IRF2BPL: variants seen among roughly 807,000 people sequenced by gnomAD.
The protein encoded by IRF2BPL is interferon regulatory factor 2 binding protein like, also known as probable E3 ubiquitin-protein ligase IRF2BPL.
Under a neutral mutation model 51.2 loss-of-function variants are expected in IRF2BPL, and 13 were observed. The observed-to-expected ratio is 0.25, with a 90% confidence interval of 0.17 to 0.40. IRF2BPL has a LOEUF of 0.40. IRF2BPL is among the 10% of genes least tolerant of loss of function. The pLI, the probability that IRF2BPL is intolerant of heterozygous loss-of-function variation, is 1.00. For missense variants in IRF2BPL, 1,210 were observed against 1,111.8 expected, an observed-to-expected ratio of 1.09 and a Z score of -1.26; for synonymous variants, 768 against 509.2, an observed-to-expected ratio of 1.51 and a Z score of -6.84.
Position 77,028,512 on chromosome 14 carries a change from G to A in IRF2BPL, c.-720C>T. 3.0e-6 allele frequency: 1 copy of A among 331,592 alleles called. No individual in the cohort carries two copies. The highest frequency in any genetic ancestry group is 4.8e-5 in the East Asian group (1 of 20,944). The allele number at this position is 331,592 out of a possible 1,614,324, so 20.5% of individuals were successfully genotyped here. On this transcript the variant is annotated 5_prime_UTR_variant, in exon 1 of 1. Transcript: ENST00000238647. ...CGCACGCAGGCTCCCGCCGCCCCCA[G>A]GCCTGGCCGGCGCCCGGGCCGCCGC...
At position 77,027,319 on chromosome 14, in the gene IRF2BPL, G is replaced by A. The variant is rs1396393989; in HGVS notation, c.474C>T (p.Ala158=). ...GTTCCACCGCAGCGGCGGCGGCGGC[G>A]GCGGCGGCGGCGGCAGCGCTTAGGC... ...RYGLSAAAAA[A]AAAAAAVEQR... Residue 158 remains alanine, a synonymous_variant, in exon 1 of 1, where the codon GCC becomes GCT. Transcript: ENST00000238647. 18 of 1,532,714 alleles carry A rather than the reference G, an allele frequency of 1.2e-5. No individual in the cohort carries two copies. Among genetic ancestry groups the A allele is most frequent in the East Asian group, 2.5e-5 (1 of 40,314 alleles). 94.9% of individuals were successfully genotyped at this position (1,532,714 alleles called of 1,614,324 possible).
chr14:77,026,022 G>T lies in IRF2BPL; in HGVS notation c.1771C>A (p.His591Asn). The change falls in exon 1 of 1, where the codon CAC becomes AAC. Residue 591 changes from histidine to asparagine, a missense_variant. By Grantham distance (68) the His-to-Asn change is moderately conservative. Coordinates refer to ENST00000238647, the MANE Select transcript of IRF2BPL (RefSeq NM_024496.4). Reference protein sequence around the residue: ...MSAGGFAAPGHAAGGPPPPPP... With the variant: ...MSAGGFAAPGNAAGGPPPPPP... ...GGCGGAGGCGGACCCCCCGCCGCGT[G>T]CCCCGGCGCCGCGAAGCCCCCGGCG... The T allele has an allele frequency of 6.4e-7, 1 of 1,564,004 alleles. No individual in the cohort carries two copies. Among genetic ancestry groups the T allele is most frequent in the Admixed American group, 1.9e-5 (1 of 52,720 alleles).
chr14:77,027,983 T>C lies in IRF2BPL; in HGVS notation c.-191A>G. On this transcript the variant is annotated 5_prime_UTR_variant, in exon 1 of 1. Transcript: ENST00000238647. ...CGGCGCAGCGCCTCGCCGTGGGGGCTCCACCGCCCGGGCAGCGGACGGGTT... is the reference window on the plus strand; with the variant it reads ...CGGCGCAGCGCCTCGCCGTGGGGGCCCCACCGCCCGGGCAGCGGACGGGTT... 1 of 628,076 alleles carries C rather than the reference T, an allele frequency of 1.6e-6. No individual in the cohort carries two copies. Among genetic ancestry groups the C allele is most frequent in the Non-Finnish European group, 2.5e-6 (1 of 399,518 alleles). The allele number at this position is 628,076 out of a possible 1,614,324, so 38.9% of individuals were successfully genotyped here.
At position 77,026,757 on chromosome 14, in the gene IRF2BPL, CCTT is replaced by C; in HGVS notation, c.1033_1035del (p.Lys345del). On this transcript the variant is annotated inframe_deletion, in exon 1 of 1. Transcript: ENST00000238647. ...AGGGCCTCGGCGTTGCGCTGCTTCT[CCTT>C]CAACTCGCGCTCCTGGTCTGTGCTC... The C allele has an allele frequency of 1.9e-6, 3 of 1,612,588 alleles. No individual in the cohort carries two copies. Among genetic ancestry groups the C allele is most frequent in the Non-Finnish European group, 2.5e-6 (3 of 1,179,826 alleles).
Position 77,025,359 on chromosome 14 carries a change from G to T in IRF2BPL, c.*43C>A. ...GTTGGGGGAGGGGCCCTCAGGATTG[G>T]AGAGGAGCTGGTCTAGGGCAAAGGA... On this transcript the variant is annotated 3_prime_UTR_variant, in exon 1 of 1. Transcript: ENST00000238647. The T allele has an allele frequency of 2.1e-6, 3 of 1,418,774 alleles. No homozygotes were observed. Among genetic ancestry groups the T allele is most frequent in the South Asian group, 1.4e-5 (1 of 70,862 alleles). 87.9% of individuals were successfully genotyped at this position (1,418,774 alleles called of 1,614,324 possible). A position where few individuals can be genotyped will look rare whatever the true frequency, so the allele number is the denominator to read the frequency against.
chr14:77,025,088 A>C lies in IRF2BPL; in HGVS notation c.*314T>G, dbSNP rs1315481334. On this transcript the variant is annotated 3_prime_UTR_variant, in exon 1 of 1. Coordinates refer to ENST00000238647, the MANE Select transcript of IRF2BPL (RefSeq NM_024496.4). ...CAGCAGTCGTTGCTAAGGGCTATTA[A>C]TTCTGTACCTAGGCAAACATTCTGC... 4.9e-6 allele frequency: 1 copy of C among 205,906 alleles called. No homozygotes were observed. The highest frequency in any genetic ancestry group is 9.6e-6 in the Non-Finnish European group (1 of 103,754). 12.8% of individuals were successfully genotyped at this position (205,906 alleles called of 1,614,324 possible).
rs1357739323 is a variant in IRF2BPL at position 77,028,061 on chromosome 14, G to A, written c.-269C>T. The A allele has an allele frequency of 7.9e-6, 3 of 378,434 alleles. No homozygotes were observed. Among genetic ancestry groups the A allele is most frequent in the Non-Finnish European group, 1.5e-5 (3 of 205,182 alleles). 23.4% of individuals were successfully genotyped at this position (378,434 alleles called of 1,614,324 possible). A position where few individuals can be genotyped will look rare whatever the true frequency, so the allele number is the denominator to read the frequency against. ...CTGCGGTTGACTCGTCGCGAGGGGA[G>A]CTCAGGCGCCTTCTTCCTGGTGCTG... On this transcript the variant is annotated 5_prime_UTR_variant, in exon 1 of 1. Transcript: ENST00000238647.
At position 77,027,466 on chromosome 14, in the gene IRF2BPL, C is replaced by CTGTTGCTGT. The variant is rs772313079; in HGVS notation, c.326_327insACAGCAACA (p.Gln125_Gln127dup). 6.4e-6 allele frequency: 9 copies of CTGTTGCTGT among 1,415,288 alleles called. No homozygotes were observed. Among genetic ancestry groups the CTGTTGCTGT allele is most frequent in the South Asian group, 5.9e-5 (4 of 67,926 alleles). 87.7% of individuals were successfully genotyped at this position (1,415,288 alleles called of 1,614,324 possible). A position where few individuals can be genotyped will look rare whatever the true frequency, so the allele number is the denominator to read the frequency against. ...GCTGCTGCTGTTGCTGCTGCTGCTG[C>CTGTTGCTGT]TGCTGTTGCTGTTGCTGTTGCGCGG... On this transcript the variant is annotated inframe_insertion, in exon 1 of 1. Transcript: ENST00000238647.
At position 77,025,862 on chromosome 14, in the gene IRF2BPL, C is replaced by A; in HGVS notation, c.1931G>T (p.Ser644Ile). The change falls in exon 1 of 1, where the codon AGT (serine) becomes ATT (isoleucine). Residue 644 changes from serine (S) to isoleucine (I), a missense_variant. By Grantham distance (142) the Ser-to-Ile change is moderately radical. Coordinates refer to ENST00000238647, the MANE Select transcript of IRF2BPL (RefSeq NM_024496.4). ...LGTAHSPKDG[S>I]SVHSTTASAR... ...CGACGCAGTGGTAGAGTGCACGGAA[C>A]TGCCATCCTTGGGCGAGTGCGCTGT... 1 of 1,612,682 alleles carries A rather than the reference C, an allele frequency of 6.2e-7. No individual in the cohort carries two copies. The highest frequency in any genetic ancestry group is 8.5e-7 in the Non-Finnish European group (1 of 1,179,824).
Position 77,026,986 on chromosome 14 carries a change from C to G in IRF2BPL, c.807G>C (p.Ala269=), listed in dbSNP as rs1395891043. 6.7e-7 allele frequency: 1 copy of G among 1,490,760 alleles called. No homozygotes were observed. 92.3% of individuals were successfully genotyped at this position (1,490,760 alleles called of 1,614,324 possible). A position where few individuals can be genotyped will look rare whatever the true frequency, so the allele number is the denominator to read the frequency against. Residue 269 remains alanine, a synonymous_variant, in exon 1 of 1, where the codon GCG becomes GCC. Coordinates refer to ENST00000238647, the MANE Select transcript of IRF2BPL (RefSeq NM_024496.4). ...CGTGGGGAGGGGGTGGGGGGAGTAC[C>G]GCAGCGCTGGCCGGGCCGTTAAGCA... ...QTLLNGPASA[A]VLPPPPPHAL... is the part of the protein sequence containing the mutation.
At position 77,026,688 on chromosome 14, in the gene IRF2BPL, C is replaced by G. The variant is rs769418908; in HGVS notation, c.1105G>C (p.Ala369Pro). 1.2e-6 allele frequency: 2 copies of G among 1,612,732 alleles called. No individual in the cohort carries two copies. Among genetic ancestry groups the G allele is most frequent in the Admixed American group, 3.3e-5 (2 of 59,960 alleles). The change falls in exon 1 of 1, where the codon GCC (alanine) becomes CCC (proline). Residue 369 changes from alanine to proline, a missense_variant. Physicochemically the swap from Ala to Pro is conservative, Grantham distance 27 (BLOSUM62 -1). Coordinates refer to ENST00000238647, the MANE Select transcript of IRF2BPL (RefSeq NM_024496.4). The part of the protein sequence containing the change: ...ESLRNRAEEW[A>P]SKPKMVRDTL... ...TCGCGGACCATCTTGGGCTTGCTGG[C>G]CCACTCCTCGGCGCGGTTGCGCAGG...
rs929964848 is a variant in IRF2BPL, at chr14:77,024,593, A to C, written c.*809T>G. ...GTTACTAAGCTCCAAGGCACATTACAGTGTTCTGTTAACTACAGAAATGTA... is the reference window on the plus strand; with the variant it reads ...GTTACTAAGCTCCAAGGCACATTACCGTGTTCTGTTAACTACAGAAATGTA... On this transcript the variant is annotated 3_prime_UTR_variant, in exon 1 of 1. Coordinates refer to ENST00000238647, the MANE Select transcript of IRF2BPL (RefSeq NM_024496.4). 1 of 152,618 alleles carries C rather than the reference A, an allele frequency of 6.6e-6. No homozygotes were observed. The highest frequency in any genetic ancestry group is 2.4e-5 in the African/African-American group (1 of 41,460). 9.5% of individuals were successfully genotyped at this position (152,618 alleles called of 1,614,324 possible).
Position 77,025,938 on chromosome 14 carries a change from T to C in IRF2BPL, c.1855A>G (p.Asn619Asp). Reference protein sequence around the residue: ...RTTPPESAPQNGPSPMAALMS... With the variant: ...RTTPPESAPQDGPSPMAALMS... ...AGAGCGGCCATAGGGGACGGACCGT[T>C]CTGGGGGGCTGACTCAGGTGGGGTG... The change falls in exon 1 of 1, where the codon AAC becomes GAC. Residue 619 changes from asparagine to aspartate, a missense_variant. Asn to Asp is a conservative substitution (Grantham distance 23, BLOSUM62 1). Coordinates refer to ENST00000238647, the MANE Select transcript of IRF2BPL (RefSeq NM_024496.4). 2 of 1,608,674 alleles carry C rather than the reference T, an allele frequency of 1.2e-6. No individual in the cohort carries two copies. The highest frequency in any genetic ancestry group is 1.7e-6 in the Non-Finnish European group (2 of 1,178,208).
In IRF2BPL at chr14:77,027,502, GGCCGCCGCTGCT is replaced by G. The variant is rs1346900726; in HGVS notation, c.279_290del (p.Ala99_Ala102del). On this transcript the variant is annotated inframe_deletion, in exon 1 of 1. Transcript: ENST00000238647. ...GTTGCTGTTGCGCGGCGGCGGCGGC[GGCCGCCGCTGCT>G]GCCGCCGCCGCCGCCGCTTCCTTAG... 1.4e-5 allele frequency: 9 copies of G among 664,754 alleles called. No homozygotes were observed. The highest frequency in any genetic ancestry group is 1.3e-4 in the East Asian group (1 of 7,510). 41.2% of individuals were successfully genotyped at this position (664,754 alleles called of 1,614,324 possible).
rs1214533105 is a variant in IRF2BPL, at chr14:77,027,689, C to A, written c.104G>T (p.Cys35Phe). The A allele has an allele frequency of 6.2e-7, 1 of 1,611,806 alleles. No homozygotes were observed. Among genetic ancestry groups the A allele is most frequent in the Non-Finnish European group, 8.5e-7 (1 of 1,179,472 alleles). ...GCCCTCGTAGTTGACGCAACCGCGG[C>A]ATACGGGTTCCGAGAAGTCCCAGAT... ...AMIWDFSEPV[C>F]RGCVNYEGAD... The change falls in exon 1 of 1, where the codon TGC (cysteine) becomes TTC (phenylalanine). Residue 35 changes from cysteine to phenylalanine, a missense_variant. Physicochemically the swap from Cys to Phe is radical, Grantham distance 205. Coordinates refer to ENST00000238647, the MANE Select transcript of IRF2BPL (RefSeq NM_024496.4).
Position 77,028,151 on chromosome 14 carries a change from T to G in IRF2BPL, c.-359A>C. 4.1e-6 allele frequency: 1 copy of G among 245,720 alleles called. No individual in the cohort carries two copies. Among genetic ancestry groups the G allele is most frequent in the Non-Finnish European group, 8.4e-6 (1 of 118,796 alleles). The allele number at this position is 245,720 out of a possible 1,614,324, so 15.2% of individuals were successfully genotyped here. On this transcript the variant is annotated 5_prime_UTR_variant, in exon 1 of 1. Transcript: ENST00000238647. Reference sequence around the variant, plus strand: ...CGAGGGTGCCCGGTGGTGGCCGCCGTTGCCTCTTGGCCCCCTCCCCGGAGT... The same window carrying G: ...CGAGGGTGCCCGGTGGTGGCCGCCGGTGCCTCTTGGCCCCCTCCCCGGAGT...
chr14:77,027,850 C>T lies in IRF2BPL; in HGVS notation c.-58G>A, dbSNP rs956700347. The stretch of plus-strand genomic sequence containing the variant: ...CGGGCTGTCTCCGCGGCGCCTTCTC[C>T]TCCGGGAGGACTGGCCGGCTGGGGA... On this transcript the variant is annotated 5_prime_UTR_variant, in exon 1 of 1. Coordinates refer to ENST00000238647, the MANE Select transcript of IRF2BPL (RefSeq NM_024496.4). 7.7e-6 allele frequency: 11 copies of T among 1,434,328 alleles called. No individual in the cohort carries two copies. The highest frequency in any genetic ancestry group is 1.5e-5 in the African/African-American group (1 of 68,230). 88.9% of individuals were successfully genotyped at this position (1,434,328 alleles called of 1,614,324 possible). A position where few individuals can be genotyped will look rare whatever the true frequency, so the allele number is the denominator to read the frequency against.
rs1356470527 is a variant in IRF2BPL, at chr14:77,027,995, G to A, written c.-203C>T. 1.7e-5 allele frequency: 10 copies of A among 575,934 alleles called. No individual in the cohort carries two copies. The highest frequency in any genetic ancestry group is 1.1e-4 in the Admixed American group (3 of 26,604). 35.7% of individuals were successfully genotyped at this position (575,934 alleles called of 1,614,324 possible). A position where few individuals can be genotyped will look rare whatever the true frequency, so the allele number is the denominator to read the frequency against. ...TCGCCGTGGGGGCTCCACCGCCCGG[G>A]CAGCGGACGGGTTCAGCCCTCTCTT... is the stretch of plus-strand genomic sequence containing the variant. On this transcript the variant is annotated 5_prime_UTR_variant, in exon 1 of 1. Coordinates refer to ENST00000238647, the MANE Select transcript of IRF2BPL (RefSeq NM_024496.4).
chr14:77,028,673 G>GGC lies in IRF2BPL; in HGVS notation c.-883_-882dup. 1 of 377,520 alleles carries GGC rather than the reference G, an allele frequency of 2.6e-6. No individual in the cohort carries two copies. Among genetic ancestry groups the GGC allele is most frequent in the Non-Finnish European group, 4.7e-6 (1 of 212,242 alleles). 23.4% of individuals were successfully genotyped at this position (377,520 alleles called of 1,614,324 possible). A position where few individuals can be genotyped will look rare whatever the true frequency, so the allele number is the denominator to read the frequency against. The stretch of plus-strand genomic sequence containing the variant: ...ACTCTACGTTCCGGAGGCGCGTCTC[G>GGC]GCGCTCCTGCTCCGGCTGCGGCTCG... On this transcript the variant is annotated 5_prime_UTR_variant, in exon 1 of 1. Transcript: ENST00000238647.
Sources: allele counts gnomAD v4.1 joint callset, GRCh38; gene constraint gnomAD v4.1.1; transcripts MANE v1.5; gene names NCBI Gene and HGNC (gene_info 2026-07-23, HGNC 2026-07-21).